Variants in PRKDC observed in about 807,000 individuals in gnomAD.
PRKDC encodes DNA-dependent protein kinase catalytic subunit.
In PRKDC, 82 loss-of-function variants were observed where a neutral mutation model predicts 486.9. That is an observed-to-expected ratio of 0.17 (90% confidence interval 0.14 to 0.20). PRKDC has a LOEUF of 0.20. Ranked by LOEUF, PRKDC falls within the 10% of genes least tolerant of loss-of-function variation. The pLI is 1.00. For missense variants in PRKDC, 4,504 were observed against 5,038.2 expected (o/e 0.89, Z 3.21); for synonymous variants, 1,895 against 1,837.0 (o/e 1.03, Z -0.81).
rs748925420 is a variant in PRKDC at position 47,849,395 on chromosome 8, G to A, written c.7114C>T (p.Pro2372Ser). The A allele has an allele frequency of 6.2e-7, 1 of 1,613,964 alleles. No individual in the cohort carries two copies. Among genetic ancestry groups the A allele is most frequent in the South Asian group, 1.1e-5 (1 of 91,082 alleles). The change falls in exon 53 of 86, where the codon CCT becomes TCT. Residue 2372 changes from proline to serine, a missense_variant. Around this residue, in one of 6 missense-constraint regions of PRKDC, gnomAD observed 1,592 missense variants for 1,724.6 expected, o/e 0.92. Coordinates refer to ENST00000314191, the MANE Select transcript of PRKDC (RefSeq NM_006904.7). ...VCLNKVTKSF[P>S]PLADRFMNAV... ...AGCCCATACCTGTCTGCAAGAGGAG[G>A]GAAGCTCTTGGTCACTTTGTTCAAG...
At chr8:47,911,652 A>G (rs2089905311) in intron 25 of PRKDC, among the ~76,000 whole-genome samples, 1 of 152,154 alleles carries the variant, frequency 6.6e-6, no homozygotes, top group South Asian at 2.1e-4. Flanking sequence ...GTCATGCTAG[A>G]TTCATAAAAT....
chr8:47,819,569 A>G (rs2087536411), intron 66 of PRKDC, 59 bp from the exon 67 acceptor site: 1 of 934,704 alleles, frequency 1.1e-6, no homozygotes, highest in Non-Finnish European at 1.6e-6. Context: ...AAATCAATCA[A>G]GCTGTGACTT....
At chr8:47,847,910 A>G (rs2088309475) in intron 54 of PRKDC, among the ~76,000 whole-genome samples, 1 of 151,768 alleles carries the variant, frequency 6.6e-6, no homozygotes, top group Non-Finnish European at 1.5e-5. Context: ...AGTCATCATC[A>G]CAAATCATCA....
rs2154501969 is a variant in PRKDC at position 47,893,239 on chromosome 8, G to A, written c.3747C>T (p.Ser1249=). The A allele has an allele frequency of 6.2e-7, 1 of 1,612,756 alleles. No individual in the cohort carries two copies. Among genetic ancestry groups the A allele is most frequent in the East Asian group, 2.2e-5 (1 of 44,846 alleles). The change falls in exon 31 of 86, where the codon AGC becomes AGT. Residue 1249 remains serine (S), a synonymous_variant. Coordinates refer to ENST00000314191, the MANE Select transcript of PRKDC (RefSeq NM_006904.7). ...CCAGCCAGCATAGCGTGGCCTGCAG[G>A]CTGAATGGCCCCCGAAGGTACAAGA... ...PTLLYLRGPF[S]LQATLCWLDL...
intron 62 of PRKDC, 49 bp downstream of exon 62, chr8:47,828,119 G>A (rs2087778189): frequency 6.4e-7 from 1 of 1,550,866 alleles, no homozygotes; most frequent in East Asian, 2.3e-5. Flanking sequence ...AAGGCCATGT[G>A]AAGCCACAGC....
chr8:47,882,400 A>ATGCATGCACAAGCACACACAGGTG (rs1270974006), intron 36 of PRKDC, among the ~76,000 whole-genome samples: 10 of 152,328 alleles, frequency 6.6e-5, no homozygotes, highest in African/African-American at 2.4e-4. Context: ...ACCACTGTAC[A>ATGCATGCACAAGCACACACAGGTG]TGCATGCACA....
chr8:47,925,066 A>G (rs2090135750), intron 21 of PRKDC, among the ~76,000 whole-genome samples: 1 of 151,976 alleles, frequency 6.6e-6, no homozygotes, highest in Non-Finnish European at 1.5e-5. Context: ...ATGCCAGGCC[A>G]CCCCATGGGG....
Position 47,859,613 on chromosome 8 carries a change from G to A in PRKDC, c.6205C>T (p.Arg2069Trp), listed in dbSNP as rs779025589. 28 of 1,611,152 alleles carry A rather than the reference G, an allele frequency of 1.7e-5. No individual in the cohort carries two copies. The highest frequency in any genetic ancestry group is 3.4e-5 in the Admixed American group (2 of 59,504). ...PRPATGRFRR[R>W]EQRDPTVHDD... ...TTTAGTATGTGAAATGTGATCACCC[G>A]TCTCCGAAAACGACCAGTGGCAGGT... Residue 2069 changes from arginine to tryptophan, a missense_variant and splice_region_variant, in exon 46 of 86, where the codon CGG becomes TGG. Around this residue, in one of 6 missense-constraint regions of PRKDC, gnomAD observed 1,592 missense variants for 1,724.6 expected, o/e 0.92. Coordinates refer to ENST00000314191, the MANE Select transcript of PRKDC (RefSeq NM_006904.7).
intron 39 of PRKDC, among the ~76,000 whole-genome samples, chr8:47,878,760 C>T (rs1295277747): frequency 1.3e-5 from 2 of 152,210 alleles, no homozygotes; most frequent in African/African-American, 4.8e-5. Context: ...GGACATAATA[C>T]CTTCTTTCAT....
chr8:47,888,791 A>T, intron 33 of PRKDC, 141 bp from the exon 34 acceptor site: 1 of 1,281,442 alleles, frequency 7.8e-7, no homozygotes, highest in Admixed American at 2.9e-5. Context: ...GCTAGCATGG[A>T]GATCAAACAT....
chr8:47,778,360 A>G (rs1269813817), intron 83 of PRKDC, 99 bp downstream of exon 83: 2 of 1,265,128 alleles, frequency 1.6e-6, no homozygotes, highest in African/African-American at 3.0e-5. Flanking sequence ...TCTAACTAAT[A>G]TGTTGTTTTT....
At chr8:47,830,373 C>T (rs2087835537) in intron 61 of PRKDC, among the ~76,000 whole-genome samples, 1 of 152,184 alleles carries the variant, frequency 6.6e-6, no homozygotes, top group Admixed American at 6.5e-5. Flanking sequence ...TAAATAACGT[C>T]TTCAGCACTG....
chr8:47,879,983 T>C (rs1040006033), intron 38 of PRKDC, among the ~76,000 whole-genome samples: 1 of 152,000 alleles, frequency 6.6e-6, no homozygotes, highest in Non-Finnish European at 1.5e-5. Flanking sequence ...GTAGCTGGGA[T>C]TACAGGCGCC....
intron 63 of PRKDC, among the ~76,000 whole-genome samples, chr8:47,825,237 A>ATTTT (rs1384849980): frequency 6.6e-6 from 1 of 152,156 alleles, no homozygotes; most frequent in Non-Finnish European, 1.5e-5. Flanking sequence ...GCCATGACAT[A>ATTTT]TCAAAAAAAA....
chr8:47,779,948 T>G (rs2086671274), intron 80 of PRKDC, among the ~76,000 whole-genome samples: 1 of 138,256 alleles, frequency 7.2e-6, no homozygotes, highest in East Asian at 2.3e-4. Flanking sequence ...AGAGTCTTAC[T>G]CTGTCGCCCA....
chr8:47,911,089 A>T (rs2089893280), intron 25 of PRKDC, among the ~76,000 whole-genome samples: 1 of 152,154 alleles, frequency 6.6e-6, no homozygotes, highest in African/African-American at 2.4e-5. Flanking sequence ...TGATTTTCTT[A>T]TCTTACAGTA....
intron 7 of PRKDC, among the ~76,000 whole-genome samples, chr8:47,944,503 GA>G (rs1006845930): frequency 6.4e-5 from 8 of 124,560 alleles, no homozygotes; most frequent in South Asian, 2.6e-4. Flanking sequence ...AAAAAAAACA[GA>G]AAAAAAAACA....
intron 17 of PRKDC, among the ~76,000 whole-genome samples, chr8:47,930,398 G>T (rs560490099): frequency 1.3e-5 from 2 of 151,956 alleles, no homozygotes; most frequent in East Asian, 3.9e-4. Flanking sequence ...TCAGCCTCCC[G>T]AGTAGCTGGG....
chr8:47,884,668 T>G (rs991350342), intron 36 of PRKDC, among the ~76,000 whole-genome samples: 2 of 152,190 alleles, frequency 1.3e-5, no homozygotes, highest in Non-Finnish European at 2.9e-5. Context: ...CCTACTGCAA[T>G]CTACCACAAA....
Sources: gnomAD v4.1 joint callset for allele counts (sites outside exome capture counted in the v4.1 genomes callset) on GRCh38, gnomAD v4.1.1 for gene constraint, gnomAD v4.1.1 regional missense constraint, MANE v1.5 for transcripts, NCBI Gene and HGNC (gene_info 2026-07-23, HGNC 2026-07-21) for gene names.